The following SYT1 variants were observed in gnomAD, a reference collection of about 807,000 sequenced individuals.
SYT1 encodes synaptotagmin 1, also known as synaptotagmin-1.
In SYT1, 8 loss-of-function variants were observed where a neutral mutation model predicts 44.8. The ratio of observed to expected loss-of-function variants is 0.18; its 90% CI spans 0.10 to 0.32. SYT1 has a LOEUF of 0.32. Ranked by LOEUF, SYT1 falls within the 10% of genes least tolerant of loss-of-function variation. The probability of loss-of-function intolerance (pLI) is 1.00; values close to 1 mark genes in which losing one functional copy is unlikely to be tolerated. For missense variants in SYT1, 286 were observed against 509.3 expected (o/e 0.56, Z 4.22); for synonymous variants, 154 against 188.8 (o/e 0.82, Z 1.51).
At chr12:79,021,184 T>G (rs569732773) in intron 2 of SYT1, among the ~76,000 whole-genome samples, 2 of 152,096 alleles carry the variant, frequency 1.3e-5, no homozygotes, top group East Asian at 3.9e-4. Context: ...TACCATTTTG[T>G]ATGGTTGAGC....
At chr12:78,931,179 AAAAGAAAGAAAGAAAGAAAGAAAGAAAG>A (rs1165668920) in intron 1 of SYT1, among the ~76,000 whole-genome samples, 1 of 59,842 alleles carries the variant, frequency 1.7e-5, no homozygotes, top group Non-Finnish European at 3.0e-5. Flanking sequence ...GAAAGAAAGA[AAAAGAAAGAAAGAAAGAAAGAAAGAAAG>A]AAAGAAAGAA....
intron 9 of SYT1, among the ~76,000 whole-genome samples, chr12:79,417,727 A>G (rs1295081024): frequency 6.6e-6 from 1 of 152,144 alleles, no homozygotes; most frequent in Non-Finnish European, 1.5e-5. Flanking sequence ...AACACTATGC[A>G]TTCACACAGG....
At chr12:79,278,904 G>C (rs953258239) in intron 4 of SYT1, among the ~76,000 whole-genome samples, 1 of 151,124 alleles carries the variant, frequency 6.6e-6, no homozygotes, top group African/African-American at 2.4e-5. Flanking sequence ...AGAAAATCTA[G>C]AGGAAATAGA....
intron 1 of SYT1, among the ~76,000 whole-genome samples, chr12:78,916,201 G>A (rs913192940): frequency 6.6e-6 from 1 of 151,944 alleles, no homozygotes; most frequent in African/African-American, 2.4e-5. Context: ...TAACATTATG[G>A]TATAGGATTC....
At chr12:78,915,095 G>A (rs1017905396) in intron 1 of SYT1, among the ~76,000 whole-genome samples, 1 of 61,968 alleles carries the variant, frequency 1.6e-5, no homozygotes, top group Admixed American at 1.9e-4. Flanking sequence ...ATAGAAAGGT[G>A]ATGTCATCAG....
At chr12:79,138,770 T>C (rs907196414) in intron 3 of SYT1, among the ~76,000 whole-genome samples, 8 of 152,234 alleles carry the variant, frequency 5.3e-5, no homozygotes, top group Admixed American at 5.2e-4. Flanking sequence ...TATATTTACA[T>C]GACCTACCTG....
intron 9 of SYT1, among the ~76,000 whole-genome samples, chr12:79,394,455 G>A (rs1223306906): frequency 1.3e-5 from 2 of 152,130 alleles, no homozygotes; most frequent in Non-Finnish European, 2.9e-5. Flanking sequence ...AAAGACAGAT[G>A]GCCATGACAG....
chr12:79,199,218 G>C (rs541411590), intron 3 of SYT1, among the ~76,000 whole-genome samples: 1 of 152,220 alleles, frequency 6.6e-6, no homozygotes, highest in African/African-American at 2.4e-5. Context: ...AGTGTCTGAT[G>C]ATGGACTTCT....
chr12:79,197,875 C>A (rs1031286138), intron 3 of SYT1, among the ~76,000 whole-genome samples: 2 of 152,056 alleles, frequency 1.3e-5, no homozygotes, highest in Non-Finnish European at 2.9e-5. Context: ...AACACTGTTA[C>A]TTTGATGAAT....
At chr12:79,323,400 A>G (rs532803723) in intron 8 of SYT1, among the ~76,000 whole-genome samples, 76 of 152,340 alleles carry the variant, frequency 5.0e-4, no homozygotes, top group African/African-American at 1.4e-3. Flanking sequence ...CAAACTCCCA[A>G]TGGAAAGTCG....
At chr12:79,010,962 G>T (rs117361155) in intron 2 of SYT1, among the ~76,000 whole-genome samples, 1 of 152,298 alleles carries the variant, frequency 6.6e-6, no homozygotes, top group East Asian at 1.9e-4. Context: ...AAGGACAGAG[G>T]TGTCTTGGTC....
At chr12:79,201,981 A>C (rs898941421) in intron 3 of SYT1, among the ~76,000 whole-genome samples, 20 of 152,292 alleles carry the variant, frequency 1.3e-4, no homozygotes, top group South Asian at 6.2e-4. Flanking sequence ...CTGTAGAATG[A>C]CTTCATATCA....
At chr12:79,097,311 T>C (rs1237048709) in intron 3 of SYT1, among the ~76,000 whole-genome samples, 3 of 151,994 alleles carry the variant, frequency 2.0e-5, no homozygotes, top group Non-Finnish European at 4.4e-5. Context: ...ATAGGCCTAG[T>C]CCGTCTTAAC....
intron 1 of SYT1, among the ~76,000 whole-genome samples, chr12:78,914,178 A>G (rs1876509531): frequency 1.3e-5 from 2 of 151,898 alleles, no homozygotes; most frequent in South Asian, 2.1e-4. Context: ...ATATATATAT[A>G]AAAGTAAATT....
chr12:78,901,950 A>C (rs1875687938), intron 1 of SYT1, among the ~76,000 whole-genome samples: 1 of 151,760 alleles, frequency 6.6e-6, no homozygotes, highest in Non-Finnish European at 1.5e-5. Flanking sequence ...AAAACCAAAC[A>C]CTGCATATTC....
At chr12:79,059,963 T>C (rs993652316) in intron 3 of SYT1, among the ~76,000 whole-genome samples, 1 of 152,116 alleles carries the variant, frequency 6.6e-6, no homozygotes, top group African/African-American at 2.4e-5. Flanking sequence ...CTAAAGTCTG[T>C]GTAATGCTAA....
At chr12:79,232,567 A>G (rs1875933147) in intron 4 of SYT1, among the ~76,000 whole-genome samples, 1 of 151,928 alleles carries the variant, frequency 6.6e-6, no homozygotes, top group Non-Finnish European at 1.5e-5. Flanking sequence ...TCAGAACTCT[A>G]TTTTTCTTTA....
chr12:78,990,302 A>G (rs1196398294), intron 2 of SYT1, among the ~76,000 whole-genome samples: 1 of 152,156 alleles, frequency 6.6e-6, no homozygotes, highest in Non-Finnish European at 1.5e-5. Flanking sequence ...TCTATCCTCA[A>G]AAAGTTCATA....
intron 4 of SYT1, among the ~76,000 whole-genome samples, chr12:79,249,956 A>C (rs1259893998): frequency 6.6e-6 from 1 of 152,204 alleles, no homozygotes; most frequent in Non-Finnish European, 1.5e-5. Context: ...AATAAAAAAA[A>C]AATAGGGTTG....
Sources: gnomAD v4.1 joint callset for allele counts (sites outside exome capture counted in the v4.1 genomes callset) on GRCh38, gnomAD v4.1.1 for gene constraint, MANE v1.5 for transcripts, NCBI Gene and HGNC (gene_info 2026-07-23, HGNC 2026-07-21) for gene names.